MUC6: variants seen among roughly 807,000 people sequenced by gnomAD.
MUC6 encodes the protein mucin-6.
Under a neutral mutation model 201.5 loss-of-function variants are expected in MUC6, and 188 were observed. That is an observed-to-expected ratio of 0.93 (90% CI 0.83 to 1.05). The LOEUF (loss-of-function observed/expected upper bound fraction) is 1.05, where lower values mean the gene tolerates loss of function less well. MUC6 is among the 50% of genes least tolerant of loss of function. The pLI, the probability that MUC6 is intolerant of heterozygous loss-of-function variation, is 0.00. For missense variants in MUC6, 2,706 were observed against 3,256.9 expected (o/e 0.83, Z 4.12); for synonymous variants, 1,228 against 1,389.4 (o/e 0.88, Z 2.58).
intron 31 of MUC6, among the ~76,000 whole-genome samples, 182 bp from the exon 32 acceptor site, chr11:1,014,183 G>A (rs923780825): frequency 6.6e-6 from 1 of 152,222 alleles, no homozygotes; most frequent in African/African-American, 2.4e-5. Context: ...AAGGCCAGCC[G>A]CATCCTAGTT....
At chr11:1,028,080 C>G (rs545330029) in intron 14 of MUC6, 21 bp from the exon 15 acceptor site, 77 of 1,556,362 alleles carry the variant, frequency 4.9e-5, no homozygotes, top group African/African-American at 6.8e-5. Context: ...CAGGCCCGGG[C>G]GTGAGTCCCG....
Position 1,028,954 on chromosome 11 carries a change from AT to A in MUC6, c.1387del (p.Ile463LeufsTer2). 1 of 1,613,142 alleles carries A rather than the reference AT, an allele frequency of 6.2e-7. No homozygotes were observed. The highest frequency in any genetic ancestry group is 1.1e-5 in the South Asian group (1 of 91,086). On this transcript the variant is annotated frameshift_variant, in exon 12 of 33. Transcript: ENST00000421673. LOFTEE classifies it high-confidence loss of function. ...GACCACCTCGTCCTGAGAGATCACAATTTTGTCCTGGAGAGAGGGTGGCCTG... is the reference window on the plus strand; with the variant it reads ...GACCACCTCGTCCTGAGAGATCACAATTTGTCCTGGAGAGAGGGTGGCCTG... ...AVVYLSRQDK[I>X]VISQDEVVTN...
chr11:1,021,368 CTTTTTTTTTT>C (rs541461716), intron 26 of MUC6, 91 bp from the exon 27 acceptor site: 362 of 448,832 alleles, frequency 8.1e-4, no homozygotes, highest in South Asian at 1.1e-3. Context: ...TTCCTCTCTG[CTTTTTTTTTT>C]TTTTTTTTTT....
At chr11:1,014,115 G>A in intron 31 of MUC6, 114 bp from the exon 32 acceptor site, 5 of 852,026 alleles carry the variant, frequency 5.9e-6, no homozygotes, top group East Asian at 5.3e-5. Flanking sequence ...CCTGCCCAAG[G>A]TGTGGTCTCC....
chr11:1,025,106 G>A (rs747658484), intron 23 of MUC6, 23 bp from the exon 24 acceptor site: 15 of 1,612,234 alleles, frequency 9.3e-6, no homozygotes, highest in African/African-American at 4.0e-5. Flanking sequence ...GCATCAGGCC[G>A]GGCCCAGGGG....
Position 1,013,166 on chromosome 11 carries a change from C to T in MUC6, c.*290G>A, listed in dbSNP as rs183026488. 1.0e-4 allele frequency: 48 copies of T among 472,798 alleles called. No homozygotes were observed. Among genetic ancestry groups the T allele is most frequent in the African/African-American group, 7.5e-4 (37 of 49,648 alleles). The allele number at this position is 472,798 out of a possible 1,614,324, so 29.3% of individuals were successfully genotyped here. On this transcript the variant is annotated 3_prime_UTR_variant, in exon 33 of 33. Transcript: ENST00000421673. ...AGTTCAGGGGCTGGGAGGTGTTGGA[C>T]GGTGGGCAGGGGTGGTCGGGAGTGC...
In MUC6 at chr11:1,024,023, G is replaced by A. The variant is rs372210605; in HGVS notation, c.3306C>T (p.Cys1102=). The A allele has an allele frequency of 6.8e-6, 11 of 1,611,506 alleles. No individual in the cohort carries two copies. The highest frequency in any genetic ancestry group is 2.2e-5 in the East Asian group (1 of 44,842). ...CTTGGGCGTAGGCAGCCACGGCATC[G>A]CACAGACACTCACAGTCCCCGCCAC... is the stretch of plus-strand genomic sequence containing the variant. ...CDSGGDCECL[C]DAVAAYAQAC... Residue 1102 remains cysteine, a synonymous_variant, in exon 25 of 33, where the codon TGC becomes TGT. Transcript: ENST00000421673.
At position 1,013,544 on chromosome 11, in the gene MUC6, G is replaced by A. The variant is rs374718574; in HGVS notation, c.7232C>T (p.Pro2411Leu). ...CCGCCGGCCAGGCGTGCTGGGATCG[G>A]GGCAGGGCAGCTCCAGCTGCTGCTC... Reference protein sequence around the residue: ...SYEQQLELPCPDPSTPGRRLV... With the variant: ...SYEQQLELPCLDPSTPGRRLV... The change falls in exon 33 of 33, where the codon CCC becomes CTC. Residue 2411 changes from proline (P) to leucine (L), a missense_variant. By Grantham distance (98) the Pro-to-Leu change is moderately conservative (BLOSUM62 -3). Coordinates refer to ENST00000421673, the MANE Select transcript of MUC6 (RefSeq NM_005961.3). The A allele has an allele frequency of 6.3e-7, 1 of 1,578,494 alleles. No individual in the cohort carries two copies. Among genetic ancestry groups the A allele is most frequent in the Non-Finnish European group, 8.6e-7 (1 of 1,163,816 alleles).
In MUC6 at chr11:1,029,275, C is replaced by A. The variant is rs200078036; in HGVS notation, c.1228G>T (p.Ala410Ser). 1 of 1,606,998 alleles carries A rather than the reference C, an allele frequency of 6.2e-7. No individual in the cohort carries two copies. Among genetic ancestry groups the A allele is most frequent in the Non-Finnish European group, 8.5e-7 (1 of 1,177,708 alleles). The part of the protein sequence containing the change: ...EGGSFVTTFD[A>S]RPYRFHGTCT... ...GTGCCGTGGAAGCGGTAGGGCCTGG[C>A]GTCAAATGTGGTAACAAAGGAGCCA... Residue 410 changes from alanine (A) to serine (S), a missense_variant, in exon 10 of 33, where the codon GCC becomes TCC. Around this residue, in one of 10 missense-constraint regions of MUC6, gnomAD observed 1,850 missense variants for 1,958.3 expected, o/e 0.94. Coordinates refer to ENST00000421673, the MANE Select transcript of MUC6 (RefSeq NM_005961.3).
rs1227220948 is a variant in MUC6 at position 1,025,909 on chromosome 11, A to T, written c.2695T>A (p.Cys899Ser). The change falls in exon 22 of 33, where the codon TGT becomes AGT. Residue 899 changes from cysteine to serine, a missense_variant. Cys to Ser is a moderately radical substitution (Grantham distance 112). Coordinates refer to ENST00000421673, the MANE Select transcript of MUC6 (RefSeq NM_005961.3). ...GTGGGCTGTGAGTCGTTGACACCACAGACGTCCTGCAGGGAGAGGGCGCTG... is the reference window on the plus strand; with the variant it reads ...GTGGGCTGTGAGTCGTTGACACCACTGACGTCCTGCAGGGAGAGGGCGCTG... ...NCEYILATDV[C>S]GVNDSQPTFK... 3 of 1,610,438 alleles carry T rather than the reference A, an allele frequency of 1.9e-6. No homozygotes were observed. The highest frequency in any genetic ancestry group is 2.5e-6 in the Non-Finnish European group (3 of 1,178,792).
chr11:1,020,805 C>T (rs1434080471), intron 27 of MUC6, 71 bp from the exon 28 acceptor site: 59 of 1,565,862 alleles, frequency 3.8e-5, no homozygotes, highest in African/African-American at 8.1e-5. Context: ...CTGGGAGCTC[C>T]GAGGGCCTGA....
rs746639344 is a variant in MUC6 at position 1,018,689 on chromosome 11, C to A, written c.4112G>T (p.Gly1371Val). Residue 1371 changes from glycine (G) to valine (V), a missense_variant, in exon 31 of 33, where the codon GGC becomes GTC. By Grantham distance (109) the Gly-to-Val change is moderately radical. Around this residue, in one of 10 missense-constraint regions of MUC6, gnomAD observed 1,850 missense variants for 1,958.3 expected, o/e 0.94. Coordinates refer to ENST00000421673, the MANE Select transcript of MUC6 (RefSeq NM_005961.3). ...TTGTCCTGGCTGTGGGGTGGTTGGG[C>A]CTGTGGTGCTTGCTGGGGTTGGACG... ...GPRPTPASTT[G>V]PTTPQPGQPT... 8 of 1,609,842 alleles carry A rather than the reference C, an allele frequency of 5.0e-6. No homozygotes were observed. In the South Asian group the frequency reaches 5.5e-5, roughly 11 times the overall value.
Position 1,030,568 on chromosome 11 carries a change from C to G in MUC6, c.892+5G>C. 1 of 1,496,044 alleles carries G rather than the reference C, an allele frequency of 6.7e-7. No individual in the cohort carries two copies. Among genetic ancestry groups the G allele is most frequent in the Non-Finnish European group, 8.9e-7 (1 of 1,122,412 alleles). 92.7% of individuals were successfully genotyped at this position (1,496,044 alleles called of 1,614,324 possible). ...TGCCCCTCCCTCTCCCTTCCCTGGACTCACAGCACAGGCCGGGGCTCCGCC... is the reference window on the plus strand; with the variant it reads ...TGCCCCTCCCTCTCCCTTCCCTGGAGTCACAGCACAGGCCGGGGCTCCGCC... On this transcript the variant is annotated splice_donor_5th_base_variant and intron_variant, in intron 7 of 32. Transcript: ENST00000421673.
At position 1,018,743 on chromosome 11, in the gene MUC6, C is replaced by T. The variant is rs1856742656; in HGVS notation, c.4058G>A (p.Gly1353Glu). Residue 1353 changes from glycine (G) to glutamate (E), a missense_variant, in exon 31 of 33, where the codon GGA (glycine) becomes GAA (glutamate). Physicochemically the swap from Gly to Glu is moderately conservative, Grantham distance 98. This residue lies in a region of MUC6 where 1,850 missense variants were observed against 1,958.3 expected (regional missense o/e 0.94). Coordinates refer to ENST00000421673, the MANE Select transcript of MUC6 (RefSeq NM_005961.3). ...GCCTGTCGTCTGGGTGGCCGTTGTT[C>T]CTGGCAGTTCCTGATTGGTCGATTT... is the stretch of plus-strand genomic sequence containing the variant. ...LPKSTNQELPGTTATQTTGPR... is the reference protein window; with the variant it reads ...LPKSTNQELPETTATQTTGPR... 2 of 1,571,344 alleles carry T rather than the reference C, an allele frequency of 1.3e-6. No individual in the cohort carries two copies. Among genetic ancestry groups the T allele is most frequent in the African/African-American group, 1.4e-5 (1 of 72,326 alleles).
chr11:1,034,541 C>A, intron 1 of MUC6, among the ~76,000 whole-genome samples: 1 of 152,296 alleles, frequency 6.6e-6, no homozygotes, highest in South Asian at 2.1e-4. Context: ...CTCAGTGGTT[C>A]CTGGGATGGG....
chr11:1,027,074 T>TC (rs1856978009), intron 18 of MUC6, 24 bp from the exon 19 acceptor site: 1 of 1,606,576 alleles, frequency 6.2e-7, no homozygotes, highest in African/African-American at 1.3e-5. Context: ...GGGTGCGCGG[T>TC]CAGGACACTC....
Position 1,021,249 on chromosome 11 carries a change from G to A in MUC6, c.3555C>T (p.Tyr1185=). 1 of 1,589,858 alleles carries A rather than the reference G, an allele frequency of 6.3e-7. No individual in the cohort carries two copies. The highest frequency in any genetic ancestry group is 8.6e-7 in the Non-Finnish European group (1 of 1,168,780). The part of the protein sequence containing the change: ...EGCYNCSQDE[Y]FDHEEGVCVP... ...CGCACACCCCCTCCTCGTGGTCGAA[G>A]TACTCATCCTGGGAGCAGTTGTAGC... Residue 1185 remains tyrosine (Y), a synonymous_variant, in exon 27 of 33, where the codon TAC becomes TAT. Transcript: ENST00000421673.
intron 2 of MUC6, 118 bp from the exon 3 acceptor site, chr11:1,032,171 G>T: frequency 7.2e-7 from 1 of 1,380,622 alleles, no homozygotes; most frequent in Non-Finnish European, 9.7e-7. Flanking sequence ...TTGGGGCCAG[G>T]CTGTGGAAAC....
At position 1,029,156 on chromosome 11, in the gene MUC6, A is replaced by G. The variant is rs764765027; in HGVS notation, c.1276-6T>C. ...TCCTCGGGAAGCTGGGGGCTCTGCG[A>G]GGGGGCGGGGCTCAGACACGGGTGG... On this transcript the variant is annotated splice_region_variant and splice_polypyrimidine_tract_variant and intron_variant, in intron 10 of 32. Transcript: ENST00000421673. 1.2e-6 allele frequency: 2 copies of G among 1,610,020 alleles called. No individual in the cohort carries two copies. Among genetic ancestry groups the G allele is most frequent in the East Asian group, 4.5e-5 (2 of 44,748 alleles).
Sources: gnomAD v4.1 joint callset for allele counts (sites outside exome capture counted in the v4.1 genomes callset) on GRCh38, gnomAD v4.1.1 for gene constraint, gnomAD v4.1.1 regional missense constraint, MANE v1.5 for transcripts, NCBI Gene and HGNC (gene_info 2026-07-23, HGNC 2026-07-21) for gene names.